PTPRS: variants seen among roughly 807,000 people sequenced by gnomAD.
PTPRS encodes the protein receptor-type tyrosine-protein phosphatase S.
PTPRS carries 63 observed loss-of-function variants against 215.3 expected under a neutral mutation model. That is an observed-to-expected ratio of 0.29 (90% confidence interval 0.24 to 0.36). The LOEUF is 0.36. PTPRS is among the 10% of genes least tolerant of loss of function. PTPRS has a pLI of 1.00. For missense variants in PTPRS, 2,258 were observed against 2,825.8 expected, an observed-to-expected ratio of 0.80 and a Z score of 4.56; for synonymous variants, 1,404 against 1,191.4, an observed-to-expected ratio of 1.18 and a Z score of -3.68.
chr19:5,218,388 T>G, intron 25 of PTPRS, 32 bp downstream of exon 25: 1 of 1,533,032 alleles, frequency 6.5e-7, no homozygotes, highest in Non-Finnish European at 8.9e-7. Flanking sequence ...CCCCTGTTGG[T>G]GGCATCCCTG....
intron 4 of PTPRS, chr19:5,273,178 T>G: frequency 1.9e-6 from 1 of 514,102 alleles, no homozygotes. Context: ...TGGATCAGCC[T>G]TTTGTCATCA....
At position 5,244,076 on chromosome 19, in the gene PTPRS, G is replaced by C; in HGVS notation, c.1395C>G (p.Thr465=). The C allele has an allele frequency of 6.2e-7, 1 of 1,610,914 alleles. No individual in the cohort carries two copies. Among genetic ancestry groups the C allele is most frequent in the Middle Eastern group, 1.7e-4 (1 of 6,060 alleles). ...GLIRGYRVYY[T]MEPEHPVGNW... The stretch of plus-strand genomic sequence containing the variant: ...TGCCCACGGGGTGCTCCGGTTCCAT[G>C]GTGTAGTAGACGCGGTAGCCGCGGA... Residue 465 remains threonine, a synonymous_variant, in exon 11 of 38, where the codon ACC becomes ACG. Coordinates refer to ENST00000262963, the MANE Select transcript of PTPRS (RefSeq NM_002850.4). The surrounding 1 kb of genome is among the most constrained non-coding windows in gnomAD (Gnocchi z 7.2).
chr19:5,218,685 T>TG lies in PTPRS; in HGVS notation c.3935+101dup, dbSNP rs1431795872. The TG allele has an allele frequency of 1.9e-6, 3 of 1,539,720 alleles. No individual in the cohort carries two copies. The Admixed American group carries it at 5.0e-5, about 26-fold the overall frequency. On this transcript the variant is annotated intron_variant, in intron 24 of 37. Transcript: ENST00000262963. ...CAAGTACAGCTACGTGTACAAGCTG[T>TG]GGGGGCAGCCGGGCATCCCCTCTCC...
rs1291869205 is a variant in PTPRS at position 5,293,743 on chromosome 19, G to A, written c.-94-7509C>T. On this transcript the variant is annotated intron_variant, in intron 1 of 37. Transcript: ENST00000262963. This position sits in a 1 kb window ranked among gnomAD's most constrained non-coding sequence, Gnocchi z 8.4. ...CCCCTCTTCCCCCTCTTAGACCAGA[G>A]GGTAGGGGAGAGGTGCGGGCGCAGA... is the stretch of plus-strand genomic sequence containing the variant. Among the ~76,000 whole-genome samples the A allele has an allele frequency of 2.0e-5, 3 of 152,206 alleles. No individual in the cohort carries two copies. Among genetic ancestry groups the A allele is most frequent in the Non-Finnish European group, 4.4e-5 (3 of 68,024 alleles).
At chr19:5,240,177 G>GCCCGTC in intron 12 of PTPRS, 22 bp downstream of exon 12, 16 of 1,510,552 alleles carry the variant, frequency 1.1e-5, no homozygotes, top group Non-Finnish European at 1.3e-5. Context: ...GGGCAGGCCA[G>GCCCGTC]CCCGTCCCCG....
intron 36 of PTPRS, 45 bp from the exon 37 acceptor site, chr19:5,208,102 G>A (rs1392681166): frequency 6.3e-7 from 1 of 1,598,670 alleles, no homozygotes; most frequent in Admixed American, 1.7e-5. Context: ...GCAGGTGCTG[G>A]GGAGCCCTGA....
intron 16 of PTPRS, among the ~76,000 whole-genome samples, chr19:5,228,214 T>G (rs1322617850): frequency 6.6e-6 from 1 of 151,630 alleles, no homozygotes; most frequent in Non-Finnish European, 1.5e-5. Context: ...GACCAGTGGC[T>G]CATGCCTGTA....
At chr19:5,299,543 T>C (rs1418959468) in intron 1 of PTPRS, among the ~76,000 whole-genome samples, 2 of 152,246 alleles carry the variant, frequency 1.3e-5, no homozygotes, top group Non-Finnish European at 2.9e-5. Flanking sequence ...ATTCTCTGTC[T>C]TTACTCACTG....
chr19:5,226,861 T>G (rs1006570402), intron 16 of PTPRS, among the ~76,000 whole-genome samples: 1 of 152,194 alleles, frequency 6.6e-6, no homozygotes, highest in African/African-American at 2.4e-5. Flanking sequence ...TCTGTGGGTA[T>G]CTGTATGGTT....
Position 5,315,350 on chromosome 19 carries a change from G to GCTTTTTTTTTTTTTTTTTTTTTT in PTPRS, c.-95+25313_-95+25314insAAAAAAAAAAAAAAAAAAAAAAG, listed in dbSNP as rs2049835558. ...TCATGGAGAATTTTTATTTGAAAAG[G>GCTTTTTTTTTTTTTTTTTTTTTT]GTTTTTTTTTTTTTTTTTTTTTTTT... On this transcript the variant is annotated intron_variant, in intron 1 of 37. Coordinates refer to ENST00000262963, the MANE Select transcript of PTPRS (RefSeq NM_002850.4). Among the ~76,000 whole-genome samples, 20 of 101,294 alleles carry GCTTTTTTTTTTTTTTTTTTTTTT rather than the reference G, an allele frequency of 2.0e-4. 8 individuals carry two copies. Among genetic ancestry groups the GCTTTTTTTTTTTTTTTTTTTTTT allele is most frequent in the Admixed American group, 4.9e-4 (4 of 8,184 alleles). The allele number at this position is 101,294 out of a possible 152,430, so 66.5% of individuals were successfully genotyped here.
chr19:5,328,220 G>A (rs966766419), intron 1 of PTPRS, among the ~76,000 whole-genome samples: 1 of 151,868 alleles, frequency 6.6e-6, no homozygotes, highest in Non-Finnish European at 1.5e-5. Context: ...GGGTTCAAGC[G>A]ATTCTCCTGA....
In PTPRS at chr19:5,338,745, C is replaced by A. The variant is rs73532996; in HGVS notation, c.-95+1919G>T. Reference sequence around the variant, plus strand: ...AGGGGGAGGGGACTTATGCAAATGGCAGATTCGACCAAGTCCCTGGGCCAT... The same window carrying A: ...AGGGGGAGGGGACTTATGCAAATGGAAGATTCGACCAAGTCCCTGGGCCAT... On this transcript the variant is annotated intron_variant, in intron 1 of 37. Transcript: ENST00000262963. The surrounding 1 kb of genome is among the most constrained non-coding windows in gnomAD (Gnocchi z 4.2). 5.3e-4 allele frequency among the ~76,000 whole-genome samples: 80 copies of A among 152,294 alleles called. No individual in the cohort carries two copies. The highest frequency in any genetic ancestry group is 1.5e-3 in the African/African-American group (64 of 41,564).
chr19:5,233,573 G>A (rs1216065840), intron 13 of PTPRS, among the ~76,000 whole-genome samples: 5 of 151,146 alleles, frequency 3.3e-5, no homozygotes, highest in African/African-American at 9.7e-5. Context: ...ATGCTAAGGG[G>A]AACAGCAATA....
At position 5,219,961 on chromosome 19, in the gene PTPRS, G is replaced by C. The variant is rs2041832478; in HGVS notation, c.3743C>G (p.Ala1248Gly). 1.9e-6 allele frequency: 3 copies of C among 1,613,746 alleles called. No individual in the cohort carries two copies. Among genetic ancestry groups the C allele is most frequent in the Non-Finnish European group, 2.5e-6 (3 of 1,179,934 alleles). ...TACAGGCTCGCTCTTCTGAAGCACG[G>C]CAAGCACGAAGAGGACATAGCGGTG... is the stretch of plus-strand genomic sequence containing the variant. ...PGHRYVLFVL[A>G]VLQKSEPTFA... The change falls in exon 22 of 38, where the codon GCC becomes GGC. Residue 1248 changes from alanine to glycine, a missense_variant. Around this residue, in one of 6 missense-constraint regions of PTPRS, gnomAD observed 927 missense variants for 1,125.9 expected, o/e 0.82. Transcript: ENST00000262963.
At chr19:5,308,410 G>C (rs1474892919) in intron 1 of PTPRS, among the ~76,000 whole-genome samples, 2 of 152,176 alleles carry the variant, frequency 1.3e-5, no homozygotes, top group African/African-American at 4.8e-5. Flanking sequence ...GTCTGCATCA[G>C]TCACTATAGT....
chr19:5,300,222 C>T (rs559433408), intron 1 of PTPRS, among the ~76,000 whole-genome samples: 7 of 140,624 alleles, frequency 5.0e-5, no homozygotes, highest in East Asian at 2.1e-4. Flanking sequence ...GCCTGGGCAA[C>T]GGGGCGAGAC....
Position 5,257,265 on chromosome 19 carries a change from G to A in PTPRS, c.706+752C>T, listed in dbSNP as rs2045628437. ...GGGGCAGGGGAGCGGGGAGGTGCTGGGGCGAGGCCCCCACGCTGCTGGGCA... is the reference window on the plus strand; with the variant it reads ...GGGGCAGGGGAGCGGGGAGGTGCTGAGGCGAGGCCCCCACGCTGCTGGGCA... On this transcript the variant is annotated intron_variant, in intron 8 of 37. Coordinates refer to ENST00000262963, the MANE Select transcript of PTPRS (RefSeq NM_002850.4). The surrounding 1 kb of genome is among the most constrained non-coding windows in gnomAD (Gnocchi z 4.4). Among the ~76,000 whole-genome samples the A allele has an allele frequency of 6.6e-6, 1 of 151,754 alleles. No homozygotes were observed. Among genetic ancestry groups the A allele is most frequent in the Non-Finnish European group, 1.5e-5 (1 of 67,938 alleles).
intron 20 of PTPRS, among the ~76,000 whole-genome samples, 198 bp downstream of exon 20, chr19:5,220,802 A>C (rs1185266328): frequency 2.0e-5 from 3 of 152,192 alleles, no homozygotes; most frequent in Non-Finnish European, 4.4e-5. Flanking sequence ...AAATGCTAGA[A>C]GAGCAGACAC....
chr19:5,261,677 A>G (rs1382870242), intron 6 of PTPRS, among the ~76,000 whole-genome samples: 2 of 152,078 alleles, frequency 1.3e-5, no homozygotes, highest in African/African-American at 4.8e-5. Flanking sequence ...GCCCAAACCC[A>G]TTTTGCAGAC....
Sources: allele counts gnomAD v4.1 joint callset (sites outside exome capture counted in the v4.1 genomes callset), GRCh38; gene constraint gnomAD v4.1.1; regional missense constraint gnomAD v4.1.1; non-coding constraint Gnocchi (gnomAD v3.1); transcripts MANE v1.5; gene names NCBI Gene and HGNC (gene_info 2026-07-23, HGNC 2026-07-21).